Variants in TTLL10 observed in about 807,000 individuals in gnomAD.
The protein encoded by TTLL10 is inactive polyglycylase TTLL10.
Under a neutral mutation model 69.0 loss-of-function variants are expected in TTLL10, and 61 were observed. The observed-to-expected ratio is 0.88, with a 90% CI of 0.72 to 1.09. TTLL10 has a LOEUF of 1.09. Ranked by LOEUF, TTLL10 falls within the 50% of genes least tolerant of loss-of-function variation. The pLI is 0.00. For synonymous variants in TTLL10, 408 were observed against 393.3 expected (o/e 1.04, Z -0.44); for missense variants, 962 against 945.9 (o/e 1.02, Z -0.22).
At chr1:1,188,596 G>C (rs1647516871) in intron 13 of TTLL10, among the ~76,000 whole-genome samples, 1 of 152,028 alleles carries the variant, frequency 6.6e-6, no homozygotes, top group Admixed American at 6.6e-5. Context: ...GCAGAGACCA[G>C]GTTTCACTGT....
In TTLL10 at chr1:1,181,872, G is replaced by A. The variant is rs1647081265; in HGVS notation, c.830+57G>A. 3 of 1,493,604 alleles carry A rather than the reference G, an allele frequency of 2.0e-6. No individual in the cohort carries two copies. The highest frequency in any genetic ancestry group is 2.4e-5 in the South Asian group (2 of 83,096). The allele number at this position is 1,493,604 out of a possible 1,614,324, so 92.5% of individuals were successfully genotyped here. On this transcript the variant is annotated intron_variant, in intron 9 of 15. Transcript: ENST00000379289. The surrounding 1 kb of genome is among the most constrained non-coding windows in gnomAD (Gnocchi z 4.6). ...AGACCGAAGTTCAGACCTAAACCTG[G>A]TGTCGTCTGAAAAGGAGAAAGCGGG... is the stretch of plus-strand genomic sequence containing the variant.
At chr1:1,179,606 C>T (rs916465135) in intron 4 of TTLL10, 51 bp from the exon 5 acceptor site, 1 of 1,549,880 alleles carries the variant, frequency 6.5e-7, no homozygotes, top group Non-Finnish European at 8.7e-7. Flanking sequence ...GACAATGGCC[C>T]CTTGGGTCAC....
At chr1:1,180,980 C>G (rs1018492541) in intron 8 of TTLL10, 120 bp downstream of exon 8, 3 of 936,922 alleles carry the variant, frequency 3.2e-6, no homozygotes, top group Non-Finnish European at 2.9e-6. Flanking sequence ...GCCCCTGCCC[C>G]TGGCCACCCA....
At position 1,197,588 on chromosome 1, in the gene TTLL10, T is replaced by G; in HGVS notation, c.1763T>G (p.Leu588Arg). ...TGCAGCCTCCGCCGCTGGCCGCCCC[T>G]GCCCACCCGCCAGGCCAAGTCCTCC... ...GSCSLRRWPP[L>R]PTRQAKSSGP... Residue 588 changes from leucine (L) to arginine (R), a missense_variant, in exon 16 of 16, where the codon CTG becomes CGG. Transcript: ENST00000379289. 1 of 1,513,488 alleles carries G rather than the reference T, an allele frequency of 6.6e-7. No homozygotes were observed. Among genetic ancestry groups the G allele is most frequent in the South Asian group, 1.2e-5 (1 of 81,336 alleles). The allele number at this position is 1,513,488 out of a possible 1,614,324, so 93.8% of individuals were successfully genotyped here. A position where few individuals can be genotyped will look rare whatever the true frequency, so the allele number is the denominator to read the frequency against.
chr1:1,189,388 C>T (rs887282542), intron 13 of TTLL10, among the ~76,000 whole-genome samples: 3 of 152,206 alleles, frequency 2.0e-5, no homozygotes, highest in African/African-American at 7.2e-5. Context: ...ATTTCCCCTT[C>T]ATTCTATTAA....
intron 8 of TTLL10, 78 bp downstream of exon 8, chr1:1,180,938 C>T: frequency 7.5e-7 from 1 of 1,333,342 alleles, no homozygotes; most frequent in African/African-American, 1.6e-5. Context: ...TGCACCCGCC[C>T]CACCCCTGCC....
In TTLL10 at chr1:1,185,957, C is replaced by T; in HGVS notation, c.1401+848C>T. 3.7e-6 allele frequency: 2 copies of T among 538,836 alleles called. No homozygotes were observed. The highest frequency in any genetic ancestry group is 4.7e-6 in the Non-Finnish European group (2 of 421,654). The allele number at this position is 538,836 out of a possible 1,614,324, so 33.4% of individuals were successfully genotyped here. ...TCATCACCTCAAAAAAGAAACACTA[C>T]TAACGAGCCATCACAGCTACATTGC... On this transcript the variant is annotated intron_variant, in intron 13 of 15. Coordinates refer to ENST00000379289, the MANE Select transcript of TTLL10 (RefSeq NM_001130045.2). This position sits in a 1 kb window ranked among gnomAD's most constrained non-coding sequence, Gnocchi z 6.1.
rs565506207 is a variant in TTLL10, at chr1:1,181,484, C to G, written c.756-257C>G. 1.2e-4 allele frequency among the ~76,000 whole-genome samples: 18 copies of G among 152,190 alleles called. No individual in the cohort carries two copies. The highest frequency in any genetic ancestry group is 3.4e-3 in the Middle Eastern group (1 of 294). ...ATTTTTGCACCAAGCACCCGCCCAG[C>G]CAACCGCAGCTGCCTCCATCTGCAC... On this transcript the variant is annotated intron_variant, in intron 8 of 15. Transcript: ENST00000379289. This position sits in a 1 kb window ranked among gnomAD's most constrained non-coding sequence, Gnocchi z 4.6.
In TTLL10 at chr1:1,197,882, C is replaced by T. The variant is rs532341063; in HGVS notation, c.*35C>T. On this transcript the variant is annotated 3_prime_UTR_variant, in exon 16 of 16. Coordinates refer to ENST00000379289, the MANE Select transcript of TTLL10 (RefSeq NM_001130045.2). ...CCCGCGCCCAGCGCCCCGCGCCCCG[C>T]GCCCCAGCCGTGCTGCCTGCCCTCA... The T allele has an allele frequency of 1.1e-5, 15 of 1,393,362 alleles. No individual in the cohort carries two copies. Among genetic ancestry groups the T allele is most frequent in the South Asian group, 4.9e-5 (3 of 61,844 alleles). The allele number at this position is 1,393,362 out of a possible 1,614,324, so 86.3% of individuals were successfully genotyped here.
chr1:1,180,648 G>A (rs1198249977), intron 7 of TTLL10, 47 bp downstream of exon 7: 2 of 1,554,192 alleles, frequency 1.3e-6, no homozygotes, highest in Non-Finnish European at 1.7e-6. Context: ...GGGGCCTCCT[G>A]GGCCGGAGCA....
Position 1,181,022 on chromosome 1 carries a change from G to GC in TTLL10, c.755+165dup. 1.8e-6 allele frequency: 1 copy of GC among 557,884 alleles called. No individual in the cohort carries two copies. Among genetic ancestry groups the GC allele is most frequent in the East Asian group, 3.9e-5 (1 of 25,598 alleles). 34.6% of individuals were successfully genotyped at this position (557,884 alleles called of 1,614,324 possible). On this transcript the variant is annotated intron_variant, in intron 8 of 15. Transcript: ENST00000379289. This position sits in a 1 kb window ranked among gnomAD's most constrained non-coding sequence, Gnocchi z 4.6. ...CAGGCTGGCTCCAGCCCCTGCCCCT[G>GC]CCCTTGCCCCTGCCCCTGGCCACCT...
intron 3 of TTLL10, among the ~76,000 whole-genome samples, chr1:1,177,501 C>T (rs1478305654): frequency 1.3e-5 from 2 of 152,180 alleles, no homozygotes; most frequent in Non-Finnish European, 2.9e-5. Flanking sequence ...TTAGTAGAGA[C>T]AAGGTTTCAT....
rs552494217 is a variant in TTLL10, at chr1:1,197,888, A to G, written c.*41A>G. The G allele has an allele frequency of 7.2e-6, 10 of 1,391,434 alleles. No homozygotes were observed. The South Asian group carries it at 1.5e-4, about 20-fold the overall frequency. 86.2% of individuals were successfully genotyped at this position (1,391,434 alleles called of 1,614,324 possible). A position where few individuals can be genotyped will look rare whatever the true frequency, so the allele number is the denominator to read the frequency against. ...CCCAGCGCCCCGCGCCCCGCGCCCCAGCCGTGCTGCCTGCCCTCAGGGACC... is the reference window on the plus strand; with the variant it reads ...CCCAGCGCCCCGCGCCCCGCGCCCCGGCCGTGCTGCCTGCCCTCAGGGACC... On this transcript the variant is annotated 3_prime_UTR_variant, in exon 16 of 16. Transcript: ENST00000379289.
At chr1:1,187,817 A>C (rs946694602) in intron 13 of TTLL10, among the ~76,000 whole-genome samples, 1 of 151,968 alleles carries the variant, frequency 6.6e-6, no homozygotes, top group Admixed American at 6.6e-5. Flanking sequence ...AGGCAAGCGA[A>C]TCACTTGAAC....
At position 1,185,634 on chromosome 1, in the gene TTLL10, G is replaced by A. The variant is rs3813204; in HGVS notation, c.1401+525G>A. On this transcript the variant is annotated intron_variant, in intron 13 of 15. Transcript: ENST00000379289. This position sits in a 1 kb window ranked among gnomAD's most constrained non-coding sequence, Gnocchi z 6.1. ...AGCAGCAAAGGCCCTTGAGCAGCGC[G>A]GTGTGAAACTGGGATAAAAACGGGG... is the stretch of plus-strand genomic sequence containing the variant. 0.12 allele frequency: 121,859 copies of A among 985,800 alleles called. 9,425 individuals are homozygous for A. Among genetic ancestry groups the A allele is most frequent in the East Asian group, 0.58 (5,090 of 8,794 alleles). 61.1% of individuals were successfully genotyped at this position (985,800 alleles called of 1,614,324 possible).
Position 1,184,174 on chromosome 1 carries a change from G to T in TTLL10, c.1260+83G>T, listed in dbSNP as rs1229098514. On this transcript the variant is annotated intron_variant, in intron 12 of 15. Transcript: ENST00000379289. ...GTTCTCACTGCTAGGGGGTGCAGAG[G>T]GGGTGCAGCTACAGAAGGAGGTGGC... The T allele has an allele frequency of 3.2e-6, 5 of 1,568,276 alleles. No homozygotes were observed. The African/African-American group carries it at 5.4e-5, about 17-fold the overall frequency.
Position 1,182,511 on chromosome 1 carries a change from CG to C in TTLL10, c.916+70del, listed in dbSNP as rs1027364323. The C allele has an allele frequency of 3.9e-6, 6 of 1,545,196 alleles. No individual in the cohort carries two copies. The African/African-American group carries it at 8.2e-5, about 21-fold the overall frequency. On this transcript the variant is annotated intron_variant, in intron 10 of 15. Coordinates refer to ENST00000379289, the MANE Select transcript of TTLL10 (RefSeq NM_001130045.2). Reference sequence around the variant, plus strand: ...AGACAGGGTGAGGGCTGGACCAAGGCGGGGGCTGATGAGGGCAGGGCTGGGT... The same window carrying C: ...AGACAGGGTGAGGGCTGGACCAAGGCGGGGCTGATGAGGGCAGGGCTGGGT...
rs768623555 is a variant in TTLL10 at position 1,180,231 on chromosome 1, C to G, written c.397C>G (p.Pro133Ala). The G allele has an allele frequency of 1.2e-6, 2 of 1,607,170 alleles. No individual in the cohort carries two copies. Among genetic ancestry groups the G allele is most frequent in the Non-Finnish European group, 1.7e-6 (2 of 1,177,726 alleles). The change falls in exon 6 of 16, where the codon CCC (proline) becomes GCC (alanine). Residue 133 changes from proline to alanine, a missense_variant. By Grantham distance (27) the Pro-to-Ala change is conservative (BLOSUM62 -1). Coordinates refer to ENST00000379289, the MANE Select transcript of TTLL10 (RefSeq NM_001130045.2). Reference sequence around the variant, plus strand: ...CTCGGATGACACTAACGCCGCCGGGCCCTCAGCTGCCCTCCTGGAGGGGCT... The same window carrying G: ...CTCGGATGACACTAACGCCGCCGGGGCCTCAGCTGCCCTCCTGGAGGGGCT... ...ADSDDTNAAG[P>A]SAALLEGLLL...
chr1:1,183,364 A>G (rs936334158), intron 11 of TTLL10, among the ~76,000 whole-genome samples: 4 of 152,112 alleles, frequency 2.6e-5, no homozygotes, highest in African/African-American at 9.7e-5. Flanking sequence ...CCAGCCAGCC[A>G]GCTGCAGCCT....
Sources: gnomAD v4.1 joint callset for allele counts (sites outside exome capture counted in the v4.1 genomes callset) on GRCh38, gnomAD v4.1.1 for gene constraint, Gnocchi (gnomAD v3.1) non-coding constraint, MANE v1.5 for transcripts, NCBI Gene and HGNC (gene_info 2026-07-23, HGNC 2026-07-21) for gene names.